SGCD: variants seen among roughly 807,000 people sequenced by gnomAD.
The protein encoded by SGCD is delta-sarcoglycan.
In SGCD, 18 loss-of-function variants were observed where a neutral mutation model predicts 36.6. The ratio of observed to expected loss-of-function variants is 0.49; its 90% confidence interval spans 0.34 to 0.73. The LOEUF (loss-of-function observed/expected upper bound fraction) is 0.73. Ranked by LOEUF, SGCD falls within the 30% of genes least tolerant of loss-of-function variation. SGCD has a pLI of 0.01. For synonymous variants in SGCD, 133 were observed against 130.6 expected, an observed-to-expected ratio of 1.02 and a Z score of -0.12; for missense variants, 387 against 346.7, an observed-to-expected ratio of 1.12 and a Z score of -0.92.
At chr5:156,595,135 A>G (rs1760876836) in intron 6 of SGCD, 84 bp downstream of exon 6, 1 of 1,440,656 alleles carries the variant, frequency 6.9e-7, no homozygotes, top group Non-Finnish European at 9.3e-7. Flanking sequence ...TGAACAGGAT[A>G]TGTCCTCCCA....
At chr5:156,612,099 A>G (rs906146559) in intron 6 of SGCD, among the ~76,000 whole-genome samples, 1 of 152,136 alleles carries the variant, frequency 6.6e-6, no homozygotes, top group African/African-American at 2.4e-5. Flanking sequence ...GTCTGTTACT[A>G]AAGAATTATT....
intron 7 of SGCD, among the ~76,000 whole-genome samples, chr5:156,651,379 C>T (rs1763450889): frequency 6.6e-6 from 1 of 152,044 alleles, no homozygotes; most frequent in Admixed American, 6.6e-5. Flanking sequence ...TTCCCAAGGC[C>T]TATGTCCAGA....
intron 3 of SGCD, among the ~76,000 whole-genome samples, chr5:156,494,873 G>A (rs993116731): frequency 6.6e-6 from 1 of 152,000 alleles, no homozygotes; most frequent in Non-Finnish European, 1.5e-5. Flanking sequence ...GACCTTCCCA[G>A]GCCTGGCTTC....
chr5:156,695,138 T>TTTG lies in SGCD; in HGVS notation c.575+47603_575+47604insTGT, dbSNP rs1561861648. Among the ~76,000 whole-genome samples the TTTG allele has an allele frequency of 6.8e-3, 996 of 145,878 alleles. 2 individuals carry two copies. The highest frequency in any genetic ancestry group is 0.013 in the African/African-American group (503 of 39,320). ...TGTGTGTGTGTGTGTGTGTGTGTGT[T>TTTG]TGTGTGTGTGTGTGTGTGTGTTGGT... is the stretch of plus-strand genomic sequence containing the variant. On this transcript the variant is annotated intron_variant, in intron 7 of 8. Coordinates refer to ENST00000337851, the MANE Select transcript of SGCD (RefSeq NM_000337.6).
At chr5:156,694,788 C>T (rs1754244049) in intron 7 of SGCD, among the ~76,000 whole-genome samples, 1 of 152,038 alleles carries the variant, frequency 6.6e-6, no homozygotes, top group Admixed American at 6.6e-5. Flanking sequence ...GGTTTTCCCA[C>T]TGAGAAAAAA....
At chr5:156,619,608 C>T (rs939652420) in intron 6 of SGCD, among the ~76,000 whole-genome samples, 2 of 152,084 alleles carry the variant, frequency 1.3e-5, no homozygotes, top group African/African-American at 4.8e-5. Context: ...ACTCCTTTAC[C>T]ACCAACAGTT....
intron 4 of SGCD, among the ~76,000 whole-genome samples, chr5:156,528,717 A>T (rs776031641): frequency 1.3e-5 from 2 of 152,130 alleles, no homozygotes; most frequent in Non-Finnish European, 2.9e-5. Context: ...ATCTTTACGT[A>T]CTCTGCAGCT....
chr5:156,395,881 T>A (rs1020479264), intron 3 of SGCD, among the ~76,000 whole-genome samples: 2 of 152,162 alleles, frequency 1.3e-5, no homozygotes, highest in African/African-American at 2.4e-5. Context: ...CTAGGTCAAA[T>A]TTGCTAATTC....
At chr5:156,490,625 T>G (rs1755893432) in intron 3 of SGCD, among the ~76,000 whole-genome samples, 1 of 151,960 alleles carries the variant, frequency 6.6e-6, no homozygotes. Context: ...TCTCAAGAAA[T>G]GCAGGAAAAG....
chr5:156,638,101 C>G (rs1381187789), intron 6 of SGCD, among the ~76,000 whole-genome samples: 1 of 151,836 alleles, frequency 6.6e-6, no homozygotes, highest in Non-Finnish European at 1.5e-5. Flanking sequence ...TTTTCAAAGA[C>G]CAGGAAATTC....
At chr5:156,363,392 A>G (rs865926152) in intron 3 of SGCD, among the ~76,000 whole-genome samples, 4 of 152,338 alleles carry the variant, frequency 2.6e-5, no homozygotes, top group Middle Eastern at 3.4e-3. Flanking sequence ...TGAAAAAAGT[A>G]TAACATTGCT....
At chr5:156,206,900 T>C (rs1428137) in intron 3 of SGCD, among the ~76,000 whole-genome samples, 2,233 of 152,134 alleles carry the variant, frequency 0.015, 62 homozygotes, top group African/African-American at 0.051. Context: ...TAGTTATTTT[T>C]TTTTCCCCTG....
At chr5:156,169,757 G>A (rs1454762854) in intron 3 of SGCD, among the ~76,000 whole-genome samples, 2 of 152,084 alleles carry the variant, frequency 1.3e-5, no homozygotes, top group Non-Finnish European at 2.9e-5. Flanking sequence ...GCATAATGGT[G>A]TGTGCAAAGG....
chr5:156,263,420 G>A (rs1326532083), intron 3 of SGCD, among the ~76,000 whole-genome samples: 2 of 151,858 alleles, frequency 1.3e-5, no homozygotes, highest in Non-Finnish European at 2.9e-5. Context: ...GTCTATTCAT[G>A]TCCTTAGCCC....
At chr5:156,435,292 C>T (rs771140037) in intron 3 of SGCD, among the ~76,000 whole-genome samples, 6 of 152,106 alleles carry the variant, frequency 3.9e-5, no homozygotes, top group Non-Finnish European at 5.9e-5. Flanking sequence ...ACAAAGATTC[C>T]CTGTGTAGTT....
chr5:156,624,608 A>G (rs919039506), intron 6 of SGCD, among the ~76,000 whole-genome samples: 1 of 152,010 alleles, frequency 6.6e-6, no homozygotes, highest in Non-Finnish European at 1.5e-5. Context: ...TATAAAAATA[A>G]CCACTCTTAC....
At chr5:155,894,440 C>T (rs139326581) in intron 1 of SGCD, among the ~76,000 whole-genome samples, 72 of 152,284 alleles carry the variant, frequency 4.7e-4, no homozygotes, top group African/African-American at 1.6e-3. Context: ...CAAGGGACTT[C>T]TGTCTTGACT....
intron 7 of SGCD, among the ~76,000 whole-genome samples, chr5:156,733,898 C>T (rs1756210519): frequency 6.6e-6 from 1 of 152,096 alleles, no homozygotes; most frequent in Admixed American, 6.6e-5. Context: ...GCGAGGGTCT[C>T]TTGAAGATAG....
At chr5:156,454,233 C>A (rs1196982118) in intron 3 of SGCD, among the ~76,000 whole-genome samples, 1 of 152,096 alleles carries the variant, frequency 6.6e-6, no homozygotes, top group African/African-American at 2.4e-5. Flanking sequence ...TGTTACCAAT[C>A]CAGTGGACAG....
Sources: allele counts gnomAD v4.1 joint callset (sites outside exome capture counted in the v4.1 genomes callset), GRCh38; gene constraint gnomAD v4.1.1; transcripts MANE v1.5; gene names NCBI Gene and HGNC (gene_info 2026-07-23, HGNC 2026-07-21).